ZC4H2: variants seen among roughly 807,000 people sequenced by gnomAD.
ZC4H2 encodes the protein zinc finger C4H2-type containing, also known as zinc finger C4H2 domain-containing protein.
For synonymous variants in ZC4H2, 84 were observed against 66.3 expected, an observed-to-expected ratio of 1.27 and a Z score of -1.30; for missense variants, 137 against 173.9, an observed-to-expected ratio of 0.79 and a Z score of 1.19.
At chrX:64,941,977 T>A (rs756748369) in intron 1 of ZC4H2, among the ~76,000 whole-genome samples, 2 of 112,035 alleles carry the variant, frequency 1.8e-5, no homozygotes, top group African/African-American at 3.2e-5. Flanking sequence ...TACCATCTCC[T>A]CTTTTTACCT....
chrX:64,946,024 G>T (rs777495828), intron 1 of ZC4H2, among the ~76,000 whole-genome samples: 1 of 111,114 alleles, frequency 9.0e-6, no homozygotes, highest in Non-Finnish European at 1.9e-5. Context: ...GCTCTGTGGG[G>T]GTGGGACCTG....
At chrX:64,927,931 G>A (rs757046899) in intron 1 of ZC4H2, among the ~76,000 whole-genome samples, 1 of 112,387 alleles carries the variant, frequency 8.9e-6, no homozygotes, top group African/African-American at 3.2e-5. Context: ...GTCTTCTTTT[G>A]AGAAGTGTCT....
intron 1 of ZC4H2, among the ~76,000 whole-genome samples, chrX:64,924,672 C>T (rs754049873): frequency 1.8e-5 from 2 of 111,260 alleles, no homozygotes; most frequent in East Asian, 2.9e-4. Context: ...AATAGGAGTT[C>T]GCTGGTGAGT....
intron 1 of ZC4H2, among the ~76,000 whole-genome samples, chrX:65,024,400 T>A (rs1442555916): frequency 9.0e-6 from 1 of 111,446 alleles, no homozygotes. Flanking sequence ...AAGGGAACAC[T>A]TATACACTGT....
intron 1 of ZC4H2, among the ~76,000 whole-genome samples, chrX:64,948,132 G>C (rs1251887069): frequency 1.8e-5 from 2 of 111,374 alleles, no homozygotes; most frequent in Non-Finnish European, 3.8e-5. Context: ...TCTTGGTTAA[G>C]TTCTCTTTTG....
chrX:65,008,253 T>A (rs1202982099), intron 1 of ZC4H2, among the ~76,000 whole-genome samples: 1 of 111,468 alleles, frequency 9.0e-6, no homozygotes, highest in African/African-American at 3.3e-5. Context: ...AAATCAAAAC[T>A]ACGATGAGAT....
chrX:64,952,943 A>G (rs1447996212), intron 1 of ZC4H2, among the ~76,000 whole-genome samples: 4 of 111,964 alleles, frequency 3.6e-5, no homozygotes, highest in Admixed American at 2.8e-4. Context: ...TACAGTAACC[A>G]AAACAGCATG....
chrX:64,929,184 C>T (rs1336290607), intron 1 of ZC4H2, among the ~76,000 whole-genome samples: 1 of 111,134 alleles, frequency 9.0e-6, no homozygotes, highest in Non-Finnish European at 1.9e-5. Flanking sequence ...TGAGTCACTG[C>T]ACCTGCCCCT....
At chrX:64,971,123 TA>T (rs773638554) in intron 1 of ZC4H2, among the ~76,000 whole-genome samples, 35 of 112,727 alleles carry the variant, frequency 3.1e-4, no homozygotes, top group Non-Finnish European at 6.2e-4. Context: ...AAAATGCTAC[TA>T]GTGACCAACT....
chrX:64,968,616 T>A (rs1931672020), intron 1 of ZC4H2, among the ~76,000 whole-genome samples: 1 of 111,363 alleles, frequency 9.0e-6, no homozygotes, highest in Non-Finnish European at 1.9e-5. Flanking sequence ...ATTTTATATA[T>A]AAAATTTCCT....
At chrX:64,949,789 A>C (rs74329820) in intron 1 of ZC4H2, among the ~76,000 whole-genome samples, 1 of 111,263 alleles carries the variant, frequency 9.0e-6, no homozygotes, top group South Asian at 3.8e-4. Flanking sequence ...TGTACTTTTC[A>C]AAAAACCAGC....
intron 1 of ZC4H2, among the ~76,000 whole-genome samples, chrX:64,936,084 T>C (rs1280497019): frequency 1.8e-5 from 2 of 109,671 alleles, no homozygotes; most frequent in African/African-American, 6.6e-5. Flanking sequence ...ATAAATGACC[T>C]GATGGGGATA....
intron 1 of ZC4H2, among the ~76,000 whole-genome samples, chrX:64,961,960 C>A (rs1487417110): frequency 1.8e-5 from 2 of 111,516 alleles, no homozygotes; most frequent in South Asian, 7.5e-4. Flanking sequence ...GACCAGCTGG[C>A]TTCACTGGTG....
chrX:64,929,885 CT>C (rs1929664118), intron 1 of ZC4H2, among the ~76,000 whole-genome samples: 2 of 110,994 alleles, frequency 1.8e-5, no homozygotes, highest in Non-Finnish European at 3.8e-5. Context: ...TTTTAGATTG[CT>C]TTTTTCTTGT....
At chrX:64,971,815 C>G (rs1931791496) in intron 1 of ZC4H2, among the ~76,000 whole-genome samples, 1 of 111,586 alleles carries the variant, frequency 9.0e-6, no homozygotes, top group Non-Finnish European at 1.9e-5. Flanking sequence ...TTTAAGAGTA[C>G]CTACTTAACT....
upstream of ZC4H2, among the ~76,000 whole-genome samples, chrX:64,977,660 C>T (rs888875208): frequency 9.1e-6 from 1 of 109,867 alleles, no homozygotes; most frequent in African/African-American, 3.3e-5. Context: ...CCACCATGCC[C>T]GGCTAATTTT....
rs150612499 is a variant in ZC4H2, at chrX:64,924,614, T to G, written c.54-2626A>C. 5.6e-3 allele frequency among the ~76,000 whole-genome samples: 624 copies of G among 111,724 alleles called. 2 individuals carry two copies. The highest frequency in any genetic ancestry group is 0.019 in the African/African-American group (595 of 30,749). Reference sequence around the variant, plus strand: ...GGTAAAGGGGACAGTCAGAGGAGGCTTCCCTGAGAACTGAGGATGTGAAAT... The same window carrying G: ...GGTAAAGGGGACAGTCAGAGGAGGCGTCCCTGAGAACTGAGGATGTGAAAT... On this transcript the variant is annotated intron_variant, in intron 1 of 4. Transcript: ENST00000374839.
upstream of ZC4H2, among the ~76,000 whole-genome samples, chrX:64,979,305 T>A (rs1051743223): frequency 8.9e-6 from 1 of 112,372 alleles, no homozygotes; most frequent in African/African-American, 3.2e-5. Flanking sequence ...ATATAGGGTG[T>A]CTGCAGAGGG....
intron 1 of ZC4H2, among the ~76,000 whole-genome samples, chrX:64,949,110 G>A (rs1930672910): frequency 8.9e-6 from 1 of 111,823 alleles, no homozygotes; most frequent in Admixed American, 9.5e-5. Flanking sequence ...AAATGATTAA[G>A]ATTGAATCAA....
Sources: gnomAD v4.1 joint callset for allele counts (sites outside exome capture counted in the v4.1 genomes callset) on GRCh38, gnomAD v4.1.1 for gene constraint, MANE v1.5 for transcripts, NCBI Gene and HGNC (gene_info 2026-07-23, HGNC 2026-07-21) for gene names.